Variants in NUDCD1 observed in about 807,000 individuals in gnomAD.
NUDCD1 encodes NudC domain containing 1.
In NUDCD1, 60 loss-of-function variants were observed where a neutral mutation model predicts 67.8. The observed-to-expected ratio is 0.88, with a 90% confidence interval of 0.72 to 1.10. The LOEUF is 1.10. Among genes scored for constraint, NUDCD1 ranks in the 50% least tolerant of loss-of-function variants. NUDCD1 has a pLI of 0.00. For synonymous variants in NUDCD1, 244 were observed against 230.8 expected, an observed-to-expected ratio of 1.06 and a Z score of -0.52; for missense variants, 643 against 695.0, an observed-to-expected ratio of 0.93 and a Z score of 0.84.
rs374953588 is a variant in NUDCD1 at position 109,264,200 on chromosome 8, C to T, written c.1299+6805G>A. Among the ~76,000 whole-genome samples the T allele has an allele frequency of 3.5e-3, 532 of 152,208 alleles. 2 individuals are homozygous for T. The highest frequency in any genetic ancestry group is 0.017 in the Middle Eastern group (5 of 294). ...CATCATTTTTACCTGAAACAACAGT[C>T]GACAAACTATGGTTATTCTGAATTG... On this transcript the variant is annotated intron_variant, in intron 8 of 9. Transcript: ENST00000239690.
intron 5 of NUDCD1, among the ~76,000 whole-genome samples, chr8:109,288,074 T>A (rs1814618048): frequency 6.6e-6 from 1 of 152,150 alleles, no homozygotes; most frequent in Non-Finnish European, 1.5e-5. Context: ...TCAGAAAGTA[T>A]TACAAATGCC....
At chr8:109,312,026 G>A (rs1259518882) in intron 2 of NUDCD1, among the ~76,000 whole-genome samples, 1 of 152,104 alleles carries the variant, frequency 6.6e-6, no homozygotes, top group Non-Finnish European at 1.5e-5. Flanking sequence ...AAGTCGGCTG[G>A]GCGCGGTGGC....
At chr8:109,299,542 C>CA in intron 2 of NUDCD1, among the ~76,000 whole-genome samples, 1 of 152,258 alleles carries the variant, frequency 6.6e-6, no homozygotes, top group East Asian at 1.9e-4. Flanking sequence ...CTCCTAGGAA[C>CA]ATAACTCCAT....
intron 2 of NUDCD1, among the ~76,000 whole-genome samples, chr8:109,310,854 C>T (rs1204433319): frequency 8.2e-6 from 1 of 121,632 alleles, no homozygotes; most frequent in Non-Finnish European, 1.6e-5. Context: ...TCTTGTTCTG[C>T]TGCCAGGCTG....
At chr8:109,278,335 C>A (rs1338352317) in intron 6 of NUDCD1, among the ~76,000 whole-genome samples, 1 of 152,130 alleles carries the variant, frequency 6.6e-6, no homozygotes, top group Non-Finnish European at 1.5e-5. Flanking sequence ...CAAAATGGCA[C>A]AGTTGTGGGG....
chr8:109,309,326 G>T (rs2130088806), intron 2 of NUDCD1, among the ~76,000 whole-genome samples: 1 of 152,198 alleles, frequency 6.6e-6, no homozygotes, highest in Non-Finnish European at 1.5e-5. Flanking sequence ...CAATAAATGT[G>T]ATACACCACA....
In NUDCD1 at chr8:109,242,919, T is replaced by G; in HGVS notation, c.*90A>C. On this transcript the variant is annotated 3_prime_UTR_variant, in exon 10 of 10. Coordinates refer to ENST00000239690, the MANE Select transcript of NUDCD1 (RefSeq NM_032869.4). Reference sequence around the variant, plus strand: ...ATCATACAAGATATATTTAGCACATTAAAACTTAAGAGGTTACAGTATAAC... The same window carrying G: ...ATCATACAAGATATATTTAGCACATGAAAACTTAAGAGGTTACAGTATAAC... The G allele has an allele frequency of 1.4e-6, 1 of 729,562 alleles. No homozygotes were observed. The highest frequency in any genetic ancestry group is 2.2e-6 in the Non-Finnish European group (1 of 448,096). The allele number at this position is 729,562 out of a possible 1,614,324, so 45.2% of individuals were successfully genotyped here.
chr8:109,317,325 G>C (rs559291064), intron 2 of NUDCD1, among the ~76,000 whole-genome samples: 1 of 152,072 alleles, frequency 6.6e-6, no homozygotes, highest in African/African-American at 2.4e-5. Flanking sequence ...AAACCAGCCT[G>C]GGCAACATGG....
At position 109,245,476 on chromosome 8, in the gene NUDCD1, A is replaced by G. The variant is rs201312641; in HGVS notation, c.1305T>C (p.Asn435=). The stretch of plus-strand genomic sequence containing the variant: ...AGAAAAGGTACTGGTTGCTTCCAAG[A>G]TTCACCTAAAAAGTGATTTAAAAAA... ...GNTLKTTHVV[N]LGSNQYLFSV... is the part of the protein sequence containing the mutation. Residue 435 remains asparagine, a synonymous_variant, in exon 9 of 10, where the codon AAT becomes AAC. Transcript: ENST00000239690. 8.4e-4 allele frequency: 1,346 copies of G among 1,602,030 alleles called. 28 individuals are homozygous for G. In the South Asian group the frequency reaches 0.014, roughly 17 times the overall value.
At chr8:109,312,670 C>T (rs1247709183) in intron 2 of NUDCD1, among the ~76,000 whole-genome samples, 6 of 152,096 alleles carry the variant, frequency 3.9e-5, no homozygotes, top group Admixed American at 3.3e-4. Context: ...AGTTGTTTAT[C>T]AATAAAGTAG....
In NUDCD1 at chr8:109,241,168, G is replaced by A. The variant is rs1242467626; in HGVS notation, c.*1841C>T. 5.9e-5 allele frequency: 9 copies of A among 152,072 alleles called. No homozygotes were observed. Among genetic ancestry groups the A allele is most frequent in the South Asian group, 4.2e-4 (2 of 4,814 alleles). The allele number at this position is 152,072 out of a possible 1,614,324, so 9.4% of individuals were successfully genotyped here. The stretch of plus-strand genomic sequence containing the variant: ...CATCTTTTAACGTAGGTCAACATGC[G>A]ACAATATTTAGGATTAATTATCCTG... On this transcript the variant is annotated 3_prime_UTR_variant, in exon 10 of 10. Transcript: ENST00000239690.
chr8:109,311,707 T>C (rs1815256384), intron 2 of NUDCD1, among the ~76,000 whole-genome samples: 2 of 151,764 alleles, frequency 1.3e-5, no homozygotes, highest in Admixed American at 6.5e-5. Context: ...CACTTGTAAG[T>C]GGGAGCTAAG....
At chr8:109,252,477 T>C (rs999629495) in intron 8 of NUDCD1, among the ~76,000 whole-genome samples, 2 of 152,114 alleles carry the variant, frequency 1.3e-5, no homozygotes, top group Admixed American at 1.3e-4. Context: ...CAGGCAAGAC[T>C]TCATACTTTT....
chr8:109,251,964 A>G (rs1415279576), intron 8 of NUDCD1, among the ~76,000 whole-genome samples: 1 of 152,108 alleles, frequency 6.6e-6, no homozygotes, highest in Non-Finnish European at 1.5e-5. Flanking sequence ...TCAATACAAA[A>G]TATGTTTTAA....
chr8:109,282,382 A>T (rs1814465140), intron 5 of NUDCD1, among the ~76,000 whole-genome samples: 1 of 152,214 alleles, frequency 6.6e-6, no homozygotes, highest in South Asian at 2.1e-4. Context: ...TGCCAACAGA[A>T]GTGCATAGGG....
intron 6 of NUDCD1, among the ~76,000 whole-genome samples, chr8:109,276,522 C>A (rs376534872): frequency 6.6e-6 from 1 of 152,176 alleles, no homozygotes; most frequent in East Asian, 1.9e-4. Flanking sequence ...AAGACTGTTA[C>A]AATCACTACC....
chr8:109,265,051 G>A (rs1295963671), intron 8 of NUDCD1, among the ~76,000 whole-genome samples: 1 of 151,854 alleles, frequency 6.6e-6, no homozygotes, highest in Non-Finnish European at 1.5e-5. Flanking sequence ...TAAACCCATT[G>A]GGTGGTTAAA....
At chr8:109,245,267 G>A (rs1478668003) in intron 9 of NUDCD1, 55 bp downstream of exon 9, 1 of 1,491,496 alleles carries the variant, frequency 6.7e-7, no homozygotes, top group African/African-American at 1.4e-5. Flanking sequence ...AACTTTAAAT[G>A]AATGATGACT....
intron 2 of NUDCD1, 136 bp from the exon 3 acceptor site, chr8:109,296,705 T>C (rs1563676001): frequency 8.4e-6 from 5 of 598,304 alleles, no homozygotes; most frequent in Middle Eastern, 3.9e-4. Flanking sequence ...ATGTGAGCTG[T>C]CCTACTGATT....
Sources: allele counts gnomAD v4.1 joint callset (sites outside exome capture counted in the v4.1 genomes callset), GRCh38; gene constraint gnomAD v4.1.1; transcripts MANE v1.5; gene names NCBI Gene and HGNC (gene_info 2026-07-23, HGNC 2026-07-21).